ENTREP2: variants seen among roughly 807,000 people sequenced by gnomAD.
ENTREP2 encodes protein ENTREP2.
chr15:29,581,492 T>C, the ENTREP2 span, among the ~76,000 whole-genome samples: 141 of 152,252 alleles, frequency 9.3e-4, 1 homozygote, highest in African/African-American at 3.2e-3. Flanking sequence ...TTCACAGAAA[T>C]ACCCAAAATA....
chr15:29,315,030 G>C, the ENTREP2 span, among the ~76,000 whole-genome samples: 1 of 152,184 alleles, frequency 6.6e-6, no homozygotes, highest in Non-Finnish European at 1.5e-5. Flanking sequence ...CCAGCCTGGT[G>C]ACAGAGCGAG....
the ENTREP2 span, among the ~76,000 whole-genome samples, chr15:29,574,172 A>G: frequency 4.6e-5 from 7 of 152,274 alleles, no homozygotes; most frequent in East Asian, 1.4e-3. Context: ...AAGCATTATA[A>G]TCATACATGT....
the ENTREP2 span, among the ~76,000 whole-genome samples, chr15:29,148,478 C>T: frequency 6.6e-6 from 1 of 152,276 alleles, no homozygotes; most frequent in Non-Finnish European, 1.5e-5. Flanking sequence ...GTGGACATAA[C>T]CTACACACAT....
At chr15:29,157,799 G>A in the ENTREP2 span, among the ~76,000 whole-genome samples, 2 of 150,798 alleles carry the variant, frequency 1.3e-5, no homozygotes, top group East Asian at 3.9e-4. Flanking sequence ...GCGCGATATC[G>A]GCTCACTGCA....
the ENTREP2 span, among the ~76,000 whole-genome samples, chr15:29,592,083 AT>A: frequency 6.6e-6 from 1 of 151,958 alleles, no homozygotes; most frequent in Non-Finnish European, 1.5e-5. Context: ...GAAGTGACAA[AT>A]TTCTGTTGTT....
the ENTREP2 span, among the ~76,000 whole-genome samples, chr15:29,507,301 A>G: frequency 6.6e-6 from 1 of 152,210 alleles, no homozygotes; most frequent in Non-Finnish European, 1.5e-5. Flanking sequence ...CCCATGCAGT[A>G]ATAGTGGGAG....
the ENTREP2 span, among the ~76,000 whole-genome samples, chr15:29,227,192 G>C: frequency 1.5e-4 from 23 of 152,178 alleles, no homozygotes; most frequent in Admixed American, 4.6e-4. Context: ...CAGTAATACA[G>C]AGAACAGGCA....
chr15:29,407,047 T>C, the ENTREP2 span, among the ~76,000 whole-genome samples: 2 of 152,210 alleles, frequency 1.3e-5, no homozygotes, highest in Non-Finnish European at 2.9e-5. Flanking sequence ...TCACACATGA[T>C]TTAACAACGG....
the ENTREP2 span, among the ~76,000 whole-genome samples, chr15:29,190,096 C>T: frequency 6.6e-6 from 1 of 152,200 alleles, no homozygotes; most frequent in Non-Finnish European, 1.5e-5. Flanking sequence ...GGTCCCTGCC[C>T]TCCACCAGGA....
chr15:29,119,942 A>T, the ENTREP2 span, among the ~76,000 whole-genome samples: 1 of 152,216 alleles, frequency 6.6e-6, no homozygotes, highest in Non-Finnish European at 1.5e-5. Flanking sequence ...CACATCTTTA[A>T]AAAACCTGTA....
At chr15:29,597,901 T>G in the ENTREP2 span, among the ~76,000 whole-genome samples, 1 of 151,904 alleles carries the variant, frequency 6.6e-6, no homozygotes, top group Non-Finnish European at 1.5e-5. Context: ...GAGTGTGGAT[T>G]GCTTGAGCCC....
At chr15:29,358,834 T>G in the ENTREP2 span, among the ~76,000 whole-genome samples, 2 of 152,188 alleles carry the variant, frequency 1.3e-5, no homozygotes, top group East Asian at 3.9e-4. Context: ...CCTAAATAAG[T>G]AAAGAGATTT....
chr15:29,635,033 C>A, the ENTREP2 span, among the ~76,000 whole-genome samples: 3 of 152,028 alleles, frequency 2.0e-5, no homozygotes, highest in African/African-American at 7.2e-5. Context: ...TTAGTAGAGA[C>A]GGGGTTTCAC....
At chr15:29,303,774 C>T in the ENTREP2 span, among the ~76,000 whole-genome samples, 1 of 152,222 alleles carries the variant, frequency 6.6e-6, no homozygotes, top group East Asian at 1.9e-4. Flanking sequence ...CATTAATTTG[C>T]TTAGGATAAT....
At chr15:29,533,463 G>A in the ENTREP2 span, among the ~76,000 whole-genome samples, 2 of 152,036 alleles carry the variant, frequency 1.3e-5, no homozygotes, top group African/African-American at 4.8e-5. Flanking sequence ...CTAGACTCGG[G>A]GATAAGAAAT....
At chr15:29,264,498 C>T in the ENTREP2 span, among the ~76,000 whole-genome samples, 1 of 152,096 alleles carries the variant, frequency 6.6e-6, no homozygotes, top group Admixed American at 6.5e-5. Flanking sequence ...AATTTTGTGC[C>T]ACCTGATAGG....
At chr15:29,487,975 G>C in the ENTREP2 span, among the ~76,000 whole-genome samples, 436 of 152,292 alleles carry the variant, frequency 2.9e-3, 2 homozygotes, top group African/African-American at 0.01. Context: ...TTACAAGTGT[G>C]AGCCACCATG....
the ENTREP2 span, among the ~76,000 whole-genome samples, chr15:29,158,594 T>C: frequency 6.6e-6 from 1 of 152,118 alleles, no homozygotes. Flanking sequence ...TTTTTTTAAG[T>C]AGAGATAGGG....
the ENTREP2 span, among the ~76,000 whole-genome samples, chr15:29,511,321 C>T: frequency 4.0e-5 from 6 of 150,276 alleles, no homozygotes; most frequent in Non-Finnish European, 8.9e-5. Context: ...AGAGATTTTA[C>T]TTTTCTTCTT....
Sources: allele counts gnomAD v4.1 joint callset (sites outside exome capture counted in the v4.1 genomes callset), GRCh38; gene constraint gnomAD v4.1.1; transcripts MANE v1.5; gene names NCBI Gene and HGNC (gene_info 2026-07-23, HGNC 2026-07-21).